Variants in SP3 observed in about 807,000 individuals in gnomAD.
SP3 encodes the protein Sp3 transcription factor, also known as transcription factor Sp3.
A neutral mutation model predicts 70.3 loss-of-function variants in SP3; 10 were observed. The ratio of observed to expected loss-of-function variants is 0.14; its 90% CI spans 0.09 to 0.24. The LOEUF (loss-of-function observed/expected upper bound fraction) is 0.24, where lower values mean the gene tolerates loss of function less well. SP3 is among the 10% of genes least tolerant of loss of function. SP3 has a pLI of 1.00. For synonymous variants in SP3, 402 were observed against 333.5 expected (o/e 1.21, Z -2.24); for missense variants, 825 against 914.6 (o/e 0.90, Z 1.26).
At position 173,906,798 on chromosome 2, in the gene SP3, T is replaced by G. The variant is rs1161230189; in HGVS notation, c.*3143A>C. On this transcript the variant is annotated 3_prime_UTR_variant, in exon 7 of 7. Transcript: ENST00000310015. ...TGTTTAACAGAACCACTTGAGCAGC[T>G]GTTTCAAAACACATATACACTCCAT... is the stretch of plus-strand genomic sequence containing the variant. 1 of 152,214 alleles carries G rather than the reference T, an allele frequency of 6.6e-6. No homozygotes were observed. Among genetic ancestry groups the G allele is most frequent in the Non-Finnish European group, 1.5e-5 (1 of 68,036 alleles). 9.4% of individuals were successfully genotyped at this position (152,214 alleles called of 1,614,324 possible).
At chr2:173,956,492 T>C (rs1475218884) in intron 3 of SP3, among the ~76,000 whole-genome samples, 3 of 152,232 alleles carry the variant, frequency 2.0e-5, no homozygotes, top group Admixed American at 2.0e-4. Context: ...ACCAATTTTC[T>C]AATCCTGCAT....
At chr2:173,947,940 T>C (rs573379857) in intron 4 of SP3, among the ~76,000 whole-genome samples, 1 of 152,304 alleles carries the variant, frequency 6.6e-6, no homozygotes, top group Middle Eastern at 3.4e-3. Context: ...TCAGATGTGG[T>C]GGTCGTAAGA....
intron 4 of SP3, among the ~76,000 whole-genome samples, chr2:173,949,524 G>C (rs1690651898): frequency 6.6e-6 from 1 of 152,112 alleles, no homozygotes; most frequent in Non-Finnish European, 1.5e-5. Flanking sequence ...ATCCAACCGT[G>C]AGAATAGTAA....
At chr2:173,939,780 A>AAAAAAAAAAAAAAT (rs1690310869) in intron 4 of SP3, among the ~76,000 whole-genome samples, 1 of 151,566 alleles carries the variant, frequency 6.6e-6, no homozygotes, top group South Asian at 2.1e-4. Flanking sequence ...AAAAAAAAAA[A>AAAAAAAAAAAAAAT]AAGTTACACT....
chr2:173,933,990 T>TG (rs5836440), intron 4 of SP3, among the ~76,000 whole-genome samples: 141,544 of 152,052 alleles, frequency 0.93, 65,970 homozygotes, highest in East Asian at 1. Context: ...CCCAGTTACT[T>TG]GGAGGCAGAG....
At position 173,955,474 on chromosome 2, in the gene SP3, T is replaced by C; in HGVS notation, c.1038A>G (p.Thr346=). Reference sequence around the variant, plus strand: ...TATTTGTGTTTTGTTGTAATATACCTGTACTATCTATCGTAACAGGCAACT... The same window carrying C: ...TATTTGTGTTTTGTTGTAATATACCCGTACTATCTATCGTAACAGGCAACT... The part of the protein sequence containing the change: ...SSQLPVTIDS[T]GILQQNTNSL... The change falls in exon 4 of 7, where the codon ACA becomes ACG. Residue 346 remains threonine, a synonymous_variant. Transcript: ENST00000310015. 6.2e-7 allele frequency: 1 copy of C among 1,614,180 alleles called. No individual in the cohort carries two copies. The highest frequency in any genetic ancestry group is 8.5e-7 in the Non-Finnish European group (1 of 1,180,036).
chr2:173,918,558 T>C, intron 5 of SP3, 35 bp downstream of exon 5: 1 of 1,583,224 alleles, frequency 6.3e-7, no homozygotes, highest in Non-Finnish European at 8.6e-7. Flanking sequence ...ATATTAGCAC[T>C]CTTAAAAATA....
rs570160856 is a variant in SP3, at chr2:173,906,738, T to C, written c.*3203A>G. 6.6e-6 allele frequency: 1 copy of C among 152,344 alleles called. No homozygotes were observed. Among genetic ancestry groups the C allele is most frequent in the East Asian group, 1.9e-4 (1 of 5,186 alleles). The allele number at this position is 152,344 out of a possible 1,614,324, so 9.4% of individuals were successfully genotyped here. On this transcript the variant is annotated 3_prime_UTR_variant, in exon 7 of 7. Coordinates refer to ENST00000310015, the MANE Select transcript of SP3 (RefSeq NM_003111.5). ...AACTACAATTAAGAGCCTAAGGGGA[T>C]GCTTGCTCTATTTTAAGTGATTGTA...
intron 4 of SP3, among the ~76,000 whole-genome samples, chr2:173,941,127 T>TAAAAA (rs71021605): frequency 1.1e-5 from 1 of 93,010 alleles, no homozygotes; most frequent in Admixed American, 1.1e-4. Flanking sequence ...ACAACACGAG[T>TAAAAA]AAAAAAAAAA....
At chr2:173,921,613 G>A (rs1488631604) in intron 4 of SP3, among the ~76,000 whole-genome samples, 1 of 152,218 alleles carries the variant, frequency 6.6e-6, no homozygotes, top group Non-Finnish European at 1.5e-5. Flanking sequence ...CTACTCAGGA[G>A]ACTGAAGTGG....
intron 3 of SP3, among the ~76,000 whole-genome samples, chr2:173,960,898 C>T (rs1472767186): frequency 6.6e-6 from 1 of 152,064 alleles, no homozygotes; most frequent in African/African-American, 2.4e-5. Context: ...ATGCTGTGAA[C>T]CCAGGAAGCA....
chr2:173,964,858 C>G (rs934677015), intron 1 of SP3: 10 of 488,532 alleles, frequency 2.0e-5, no homozygotes, highest in Non-Finnish European at 3.2e-5. Flanking sequence ...CACTCGCGCT[C>G]GCTCCTCTCG....
At chr2:173,943,045 G>A (rs1051074892) in intron 4 of SP3, among the ~76,000 whole-genome samples, 2 of 152,058 alleles carry the variant, frequency 1.3e-5, no homozygotes, top group African/African-American at 4.8e-5. Context: ...ATATTCTAGG[G>A]GGTGTAGGGA....
At chr2:173,913,356 T>C (rs1242121945) in intron 5 of SP3, 90 bp from the exon 6 acceptor site, 1 of 952,736 alleles carries the variant, frequency 1.0e-6, no homozygotes, top group African/African-American at 1.7e-5. Flanking sequence ...TGTTGAATTT[T>C]AAATAGAAGA....
chr2:173,950,683 A>C (rs930587333), intron 4 of SP3, among the ~76,000 whole-genome samples: 19 of 152,094 alleles, frequency 1.2e-4, no homozygotes, highest in African/African-American at 4.6e-4. Context: ...AAAGTAAAAA[A>C]GGCAAACCAA....
rs1385956104 is a variant in SP3 at position 173,902,911 on chromosome 2, T to C, written c.*7030A>G. On this transcript the variant is annotated 3_prime_UTR_variant, in exon 7 of 7. Coordinates refer to ENST00000310015, the MANE Select transcript of SP3 (RefSeq NM_003111.5). ...CAGATTTCAGGCACAACTGTGATCA[T>C]TCCTTTCTAAAAGAAAAAATATATA... 6.6e-6 allele frequency among the ~76,000 whole-genome samples: 1 copy of C among 152,208 alleles called. No individual in the cohort carries two copies. The highest frequency in any genetic ancestry group is 2.4e-5 in the African/African-American group (1 of 41,456).
chr2:173,964,843 G>C, intron 1 of SP3: 1 of 473,100 alleles, frequency 2.1e-6, no homozygotes, highest in Non-Finnish European at 3.7e-6. Context: ...CGCGCCGCTC[G>C]CTCTCACTCG....
At chr2:173,924,413 T>C (rs565089525) in intron 4 of SP3, among the ~76,000 whole-genome samples, 23 of 152,338 alleles carry the variant, frequency 1.5e-4, no homozygotes, top group South Asian at 1.2e-3. Context: ...TAGCGAGATA[T>C]TCACTTCACC....
chr2:173,915,272 A>G (rs1660809185), intron 5 of SP3: 1 of 152,152 alleles, frequency 6.6e-6, no homozygotes. Flanking sequence ...ATATTTAAGG[A>G]AAAAGCTCAA....
Sources: gnomAD v4.1 joint callset for allele counts (sites outside exome capture counted in the v4.1 genomes callset) on GRCh38, gnomAD v4.1.1 for gene constraint, MANE v1.5 for transcripts, NCBI Gene and HGNC (gene_info 2026-07-23, HGNC 2026-07-21) for gene names.